Variants in GSDMB observed in about 807,000 individuals in gnomAD.
GSDMB encodes gasdermin B, also known as gasdermin-B.
Under a neutral mutation model 42.9 loss-of-function variants are expected in GSDMB, and 32 were observed. That is an observed-to-expected ratio of 0.75 (90% CI 0.56 to 1.00). The LOEUF is 1.00. GSDMB is among the 50% of genes least tolerant of loss of function. The pLI is 0.00. For missense variants in GSDMB, 468 were observed against 498.5 expected (o/e 0.94, Z 0.58); for synonymous variants, 175 against 193.7 (o/e 0.90, Z 0.80).
intron 7 of GSDMB, chr17:39,906,572 C>A: frequency 7.4e-7 from 1 of 1,346,280 alleles, no homozygotes; most frequent in South Asian, 1.8e-5. Flanking sequence ...ATTCAAAGTG[C>A]AGTCCTCAGG....
intron 3 of GSDMB, 46 bp from the exon 4 acceptor site, chr17:39,909,970 A>ACCT (rs1446032045): frequency 7.6e-6 from 11 of 1,438,954 alleles, no homozygotes; most frequent in Non-Finnish European, 6.8e-6. Context: ...TCAGGGCCTT[A>ACCT]CCTCCCACTG....
At chr17:39,912,566 C>G in intron 2 of GSDMB, 69 bp from the exon 3 acceptor site, 1 of 1,245,380 alleles carries the variant, frequency 8.0e-7, no homozygotes, top group South Asian at 1.2e-5. Flanking sequence ...AACACCCTCC[C>G]TGGGGCAGCC....
chr17:39,908,171 C>G lies in GSDMB; in HGVS notation c.700+5G>C, dbSNP rs998482463. 13 of 1,481,850 alleles carry G rather than the reference C, an allele frequency of 8.8e-6. No homozygotes were observed. Among genetic ancestry groups the G allele is most frequent in the Non-Finnish European group, 1.2e-5 (13 of 1,082,344 alleles). The allele number at this position is 1,481,850 out of a possible 1,614,324, so 91.8% of individuals were successfully genotyped here. ...GACGAACGGGAAGCCCAGCAGCTCACTCACCTTCTGGAAAGGATTTTGTTT... is the reference window on the plus strand; with the variant it reads ...GACGAACGGGAAGCCCAGCAGCTCAGTCACCTTCTGGAAAGGATTTTGTTT... On this transcript the variant is annotated splice_donor_5th_base_variant and intron_variant, in intron 6 of 10. Transcript: ENST00000418519.
intron 9 of GSDMB, 144 bp from the exon 10 acceptor site, chr17:39,905,640 C>T (rs1377021817): frequency 1.1e-6 from 1 of 883,306 alleles, no homozygotes; most frequent in Non-Finnish European, 1.8e-6. Flanking sequence ...AAACAGGCCT[C>T]TGCTGTGACT....
chr17:39,912,475 A>C lies in GSDMB; in HGVS notation c.258T>G (p.Ile86Met). 1.2e-6 allele frequency: 2 copies of C among 1,612,894 alleles called. No homozygotes were observed. The highest frequency in any genetic ancestry group is 1.7e-6 in the Non-Finnish European group (2 of 1,178,914). Reference sequence around the variant, plus strand: ...CTCCCGTTGAGTCTACATTATCCAGAATTTGAAACTCAGCCTTTTGACCTG... The same window carrying C: ...CTCCCGTTGAGTCTACATTATCCAGCATTTGAAACTCAGCCTTTTGACCTG... ...GLQGQKAEFQILDNVDSTGEL... is the reference protein window; with the variant it reads ...GLQGQKAEFQMLDNVDSTGEL... The change falls in exon 3 of 11, where the codon ATT (isoleucine) becomes ATG (methionine). Residue 86 changes from isoleucine to methionine, a missense_variant. Coordinates refer to ENST00000418519, the MANE Select transcript of GSDMB (RefSeq NM_001165958.2).
chr17:39,917,234 A>C lies in GSDMB; in HGVS notation c.83T>G (p.Leu28Arg), dbSNP rs779733663. The C allele has an allele frequency of 3.7e-6, 6 of 1,614,096 alleles. No individual in the cohort carries two copies. The Admixed American group carries it at 1.0e-4, about 27-fold the overall frequency. The change falls in exon 2 of 11, where the codon CTT becomes CGT. Residue 28 changes from leucine to arginine, a missense_variant. By Grantham distance (102) the Leu-to-Arg change is moderately radical. Transcript: ENST00000418519. ...AGGDMIAVRS[L>R]VDADRFRCFH... Reference sequence around the variant, plus strand: ...GCAGCGGAATCTATCAGCATCAACAAGGCTTCTAACGGCAATCATATCCCC... The same window carrying C: ...GCAGCGGAATCTATCAGCATCAACACGGCTTCTAACGGCAATCATATCCCC...
In GSDMB at chr17:39,906,253, T is replaced by C; in HGVS notation, c.746A>G (p.Glu249Gly). Residue 249 changes from glutamate to glycine, a missense_variant, in exon 8 of 11, where the codon GAG becomes GGG. Transcript: ENST00000418519. ...CTTCTCCTTCATGTTTCTGGAATCC[T>C]CCGAACCCAAAGACTTTCCTGTAGA... Reference protein sequence around the residue: ...SSCLGKSLGSEDSRNMKEKLE... With the variant: ...SSCLGKSLGSGDSRNMKEKLE... 1 of 1,614,178 alleles carries C rather than the reference T, an allele frequency of 6.2e-7. No homozygotes were observed. The highest frequency in any genetic ancestry group is 8.5e-7 in the Non-Finnish European group (1 of 1,180,010).
At chr17:39,912,701 G>A (rs779156260) in intron 2 of GSDMB, among the ~76,000 whole-genome samples, 10 of 152,166 alleles carry the variant, frequency 6.6e-5, no homozygotes, top group Non-Finnish European at 1.3e-4. Context: ...CCAGATTTGA[G>A]CCCACTCCTC....
In GSDMB at chr17:39,906,168, T is replaced by G; in HGVS notation, c.831A>C (p.Leu277=). 1 of 1,614,196 alleles carries G rather than the reference T, an allele frequency of 6.2e-7. No homozygotes were observed. Among genetic ancestry groups the G allele is most frequent in the Non-Finnish European group, 8.5e-7 (1 of 1,180,010 alleles). Residue 277 remains leucine (L), a synonymous_variant, in exon 8 of 11, where the codon CTA becomes CTC. Transcript: ENST00000418519. ...DLTEEKRKDV[L]NSLAKCLGKE... ...TGCCGAGGCACTTAGCGAGGGAGTT[T>G]AGCACATCTTTTCTCTTCTCCTCTG... is the stretch of plus-strand genomic sequence containing the variant.
At position 39,912,454 on chromosome 17, in the gene GSDMB, C is replaced by T. The variant is rs1260957908; in HGVS notation, c.279G>A (p.Thr93=). The change falls in exon 3 of 11, where the codon ACG becomes ACA. Residue 93 remains threonine, a synonymous_variant. Coordinates refer to ENST00000418519, the MANE Select transcript of GSDMB (RefSeq NM_001165958.2). ...TGGGTAATCTCACTATCAACTCTCC[C>T]GTTGAGTCTACATTATCCAGAATTT... ...EFQILDNVDS[T]GELIVRLPKE... 5.0e-6 allele frequency: 8 copies of T among 1,611,656 alleles called. No individual in the cohort carries two copies. The highest frequency in any genetic ancestry group is 6.8e-6 in the Non-Finnish European group (8 of 1,177,708).
intron 4 of GSDMB, 74 bp downstream of exon 4, chr17:39,909,682 G>A (rs1372778069): frequency 2.3e-6 from 3 of 1,331,658 alleles, no homozygotes; most frequent in Non-Finnish European, 3.2e-6. Flanking sequence ...AAGAGTCTAA[G>A]GCTGGCATCG....
chr17:39,913,092 G>A (rs959957242), intron 2 of GSDMB, among the ~76,000 whole-genome samples: 1 of 151,296 alleles, frequency 6.6e-6, no homozygotes, highest in African/African-American at 2.4e-5. Context: ...GGAGGAGAGT[G>A]ACACTCTGCC....
chr17:39,910,067 A>G, intron 3 of GSDMB, 143 bp from the exon 4 acceptor site: 1 of 678,060 alleles, frequency 1.5e-6, no homozygotes, highest in South Asian at 1.9e-5. Context: ...ACCCCATCGC[A>G]GTTCACTTTA....
At position 39,904,644 on chromosome 17, in the gene GSDMB, C is replaced by G; in HGVS notation, c.*168G>C. On this transcript the variant is annotated 3_prime_UTR_variant, in exon 11 of 11. Transcript: ENST00000418519. ...TAATCAGAAGTCCATGTATGAAATC[C>G]AGGCTGGTTTTGGATGTTAACATGG... is the stretch of plus-strand genomic sequence containing the variant. The G allele has an allele frequency of 1.8e-6, 1 of 547,782 alleles. No individual in the cohort carries two copies. The highest frequency in any genetic ancestry group is 3.2e-6 in the Non-Finnish European group (1 of 312,698). The allele number at this position is 547,782 out of a possible 1,614,324, so 33.9% of individuals were successfully genotyped here. A position where few individuals can be genotyped will look rare whatever the true frequency, so the allele number is the denominator to read the frequency against.
intron 7 of GSDMB, 166 bp from the exon 8 acceptor site, chr17:39,906,437 T>A: frequency 1.1e-6 from 1 of 900,776 alleles, no homozygotes; most frequent in East Asian, 2.7e-5. Context: ...ATACCTACCA[T>A]CATTGCCTCC....
chr17:39,905,564 C>G (rs2063489541), intron 9 of GSDMB, 68 bp from the exon 10 acceptor site: 1 of 1,243,034 alleles, frequency 8.0e-7, no homozygotes, highest in African/African-American at 1.5e-5. Context: ...TGGCTGATCA[C>G]ACCCAGAACA....
chr17:39,915,602 ATTTTTTT>A lies in GSDMB; in HGVS notation c.235+1473_235+1479del, dbSNP rs10610202. ...AGTGAATTGATCATTTGGCAAACTG[ATTTTTTT>A]TTTTTTTTTTGAGAGCTGACTTTTA... is the stretch of plus-strand genomic sequence containing the variant. On this transcript the variant is annotated intron_variant, in intron 2 of 10. Coordinates refer to ENST00000418519, the MANE Select transcript of GSDMB (RefSeq NM_001165958.2). Among the ~76,000 whole-genome samples, 388 of 145,136 alleles carry A rather than the reference ATTTTTTT, an allele frequency of 2.7e-3. 4 individuals carry two copies. In the South Asian group the frequency reaches 0.029, roughly 11 times the overall value.
At position 39,906,994 on chromosome 17, in the gene GSDMB, A is replaced by AG. The variant is rs2063516864; in HGVS notation, c.701-8dup. Reference sequence around the variant, plus strand: ...GATGAAGCACCATCCTTCTCTGCAGAGAGAGGAAGAGTTATTTCAGAATCT... The same window carrying AG: ...GATGAAGCACCATCCTTCTCTGCAGAGGAGAGGAAGAGTTATTTCAGAATCT... On this transcript the variant is annotated splice_polypyrimidine_tract_variant and splice_region_variant and intron_variant, in intron 6 of 10. Coordinates refer to ENST00000418519, the MANE Select transcript of GSDMB (RefSeq NM_001165958.2). 6.2e-7 allele frequency: 1 copy of AG among 1,613,810 alleles called. No homozygotes were observed. Among genetic ancestry groups the AG allele is most frequent in the Non-Finnish European group, 8.5e-7 (1 of 1,179,884 alleles).
intron 7 of GSDMB, 175 bp from the exon 8 acceptor site, chr17:39,906,446 C>G (rs909008169): frequency 5.6e-6 from 5 of 892,698 alleles, no homozygotes; most frequent in African/African-American, 3.4e-5. Flanking sequence ...ATCATTGCCT[C>G]CCACTGACCC....
Sources: allele counts gnomAD v4.1 joint callset (sites outside exome capture counted in the v4.1 genomes callset), GRCh38; gene constraint gnomAD v4.1.1; transcripts MANE v1.5; gene names NCBI Gene and HGNC (gene_info 2026-07-23, HGNC 2026-07-21).